Variants in SH3GL2 observed in about 807,000 individuals in gnomAD.
SH3GL2 encodes the protein endophilin-A1.
In SH3GL2, 24 loss-of-function variants were observed where a neutral mutation model predicts 46.0. The ratio of observed to expected loss-of-function variants is 0.52; its 90% CI spans 0.38 to 0.73. The LOEUF (loss-of-function observed/expected upper bound fraction) is 0.73, where lower values mean the gene tolerates loss of function less well. SH3GL2 is among the 30% of genes least tolerant of loss of function. The pLI is 0.00. For missense variants in SH3GL2, 413 were observed against 424.2 expected (o/e 0.97, Z 0.23); for synonymous variants, 196 against 147.1 (o/e 1.33, Z -2.40).
intron 1 of SH3GL2, among the ~76,000 whole-genome samples, chr9:17,684,699 A>G (rs941801251): frequency 1.3e-5 from 2 of 152,136 alleles, no homozygotes; most frequent in Non-Finnish European, 2.9e-5. Flanking sequence ...CAAAATTTCA[A>G]AGTCAACCAG....
chr9:17,745,046 C>G (rs1416767817), intron 1 of SH3GL2, among the ~76,000 whole-genome samples: 5 of 152,170 alleles, frequency 3.3e-5, no homozygotes, highest in Non-Finnish European at 5.9e-5. Context: ...CCTGGAAAAA[C>G]TGCTTCTAAT....
At chr9:17,601,770 T>C (rs1818677375) in intron 1 of SH3GL2, among the ~76,000 whole-genome samples, 2 of 152,192 alleles carry the variant, frequency 1.3e-5, no homozygotes, top group South Asian at 2.1e-4. Context: ...GGTACACTTT[T>C]GTTGGTGACT....
chr9:17,606,098 T>TTTG (rs1818756310), intron 1 of SH3GL2, among the ~76,000 whole-genome samples: 1 of 151,750 alleles, frequency 6.6e-6, no homozygotes, highest in Non-Finnish European at 1.5e-5. Context: ...TGTTTGTTTG[T>TTTG]TTGTTTGTTT....
chr9:17,652,948 C>G (rs1445982699), intron 1 of SH3GL2, among the ~76,000 whole-genome samples: 1 of 152,076 alleles, frequency 6.6e-6, no homozygotes, highest in Admixed American at 6.5e-5. Flanking sequence ...TAAATTTCCT[C>G]TTGGTCCTTT....
intron 1 of SH3GL2, among the ~76,000 whole-genome samples, chr9:17,669,013 A>G (rs1820408128): frequency 6.6e-6 from 1 of 152,184 alleles, no homozygotes; most frequent in Non-Finnish European, 1.5e-5. Context: ...CACCTGTAGC[A>G]TATACTAAAT....
chr9:17,720,780 G>A (rs1275854614), intron 1 of SH3GL2, among the ~76,000 whole-genome samples: 1 of 152,120 alleles, frequency 6.6e-6, no homozygotes, highest in Admixed American at 6.6e-5. Flanking sequence ...AAGCCTAATG[G>A]TCTTGGTATT....
chr9:17,747,290 C>G (rs41298153), intron 2 of SH3GL2, among the ~76,000 whole-genome samples, 156 bp downstream of exon 2: 1,629 of 152,290 alleles, frequency 0.011, 18 homozygotes, highest in Middle Eastern at 0.027. Context: ...TGTTTTAAAA[C>G]ATAAAATGTA....
At chr9:17,608,368 G>T (rs373107845) in intron 1 of SH3GL2, among the ~76,000 whole-genome samples, 10 of 152,080 alleles carry the variant, frequency 6.6e-5, no homozygotes, top group Admixed American at 5.2e-4. Context: ...GGATGGTCTC[G>T]ATCTCCTGAC....
At chr9:17,666,158 G>A (rs552816754) in intron 1 of SH3GL2, among the ~76,000 whole-genome samples, 2 of 151,818 alleles carry the variant, frequency 1.3e-5, no homozygotes, top group African/African-American at 2.4e-5. Flanking sequence ...TAGGCTGGGG[G>A]TATGTAGTCA....
chr9:17,753,038 T>C (rs1822892175), intron 2 of SH3GL2, among the ~76,000 whole-genome samples: 1 of 152,144 alleles, frequency 6.6e-6, no homozygotes, highest in African/African-American at 2.4e-5. Context: ...AAGAACCTGC[T>C]CTCTCTCTTT....
At chr9:17,656,981 T>C (rs1820096568) in intron 1 of SH3GL2, among the ~76,000 whole-genome samples, 1 of 152,168 alleles carries the variant, frequency 6.6e-6, no homozygotes, top group Non-Finnish European at 1.5e-5. Context: ...GGAACATAAA[T>C]GTTTGAAGTA....
intron 1 of SH3GL2, among the ~76,000 whole-genome samples, chr9:17,594,123 T>G (rs57514944): frequency 0.01 from 1,579 of 152,310 alleles, 30 homozygotes; most frequent in African/African-American, 0.036. Context: ...CAGTGGCTCC[T>G]TATGGCTCCC....
At chr9:17,684,629 A>G (rs1820857781) in intron 1 of SH3GL2, among the ~76,000 whole-genome samples, 1 of 152,098 alleles carries the variant, frequency 6.6e-6, no homozygotes, top group Admixed American at 6.6e-5. Context: ...CTCACTAAGC[A>G]GAATGAATAC....
chr9:17,674,791 G>A (rs1238430396), intron 1 of SH3GL2, among the ~76,000 whole-genome samples: 1 of 152,092 alleles, frequency 6.6e-6, no homozygotes, highest in Non-Finnish European at 1.5e-5. Flanking sequence ...AAGGGGACTG[G>A]CCAGGGTTTC....
intron 1 of SH3GL2, among the ~76,000 whole-genome samples, chr9:17,731,437 AAGAG>A (rs915448320): frequency 6.0e-5 from 9 of 149,140 alleles, no homozygotes; most frequent in African/African-American, 2.0e-4. Flanking sequence ...GAGAGAGAGA[AAGAG>A]AGAGAGAGAG....
intron 1 of SH3GL2, among the ~76,000 whole-genome samples, chr9:17,647,411 T>TTCTCTCTCTCTCTCTCTG (rs1819844732): frequency 6.7e-6 from 1 of 150,334 alleles, no homozygotes; most frequent in African/African-American, 2.4e-5. Context: ...TCTTGTTAGT[T>TTCTCTCTCTCTCTCTCTG]TCTCTCTCTC....
At chr9:17,611,377 G>A (rs1818862850) in intron 1 of SH3GL2, among the ~76,000 whole-genome samples, 1 of 151,998 alleles carries the variant, frequency 6.6e-6, no homozygotes, top group Admixed American at 6.6e-5. Flanking sequence ...AAGCTAAAAT[G>A]CATTCTAAGG....
At chr9:17,632,813 G>A (rs4961579) in intron 1 of SH3GL2, among the ~76,000 whole-genome samples, 143,706 of 152,264 alleles carry the variant, frequency 0.94, 68,027 homozygotes, top group East Asian at 1. Context: ...TGCTATTTGG[G>A]GCTTCCCTGA....
intron 1 of SH3GL2, among the ~76,000 whole-genome samples, chr9:17,580,514 A>C (rs145659612): frequency 5.4e-4 from 82 of 152,352 alleles, no homozygotes; most frequent in African/African-American, 2.0e-3. Context: ...GCCTTTATAG[A>C]ATCAATTATA....
Sources: gnomAD v4.1 joint callset for allele counts (sites outside exome capture counted in the v4.1 genomes callset) on GRCh38, gnomAD v4.1.1 for gene constraint, MANE v1.5 for transcripts, NCBI Gene and HGNC (gene_info 2026-07-23, HGNC 2026-07-21) for gene names.